DIP2C: variants seen among roughly 807,000 people sequenced by gnomAD.
DIP2C encodes the protein disco-interacting protein 2 homolog C.
A neutral mutation model predicts 192.4 loss-of-function variants in DIP2C; 33 were observed. The ratio of observed to expected loss-of-function variants is 0.17; its 90% confidence interval spans 0.13 to 0.23. The LOEUF (loss-of-function observed/expected upper bound fraction) is 0.23. Ranked by LOEUF, DIP2C falls within the 10% of genes least tolerant of loss-of-function variation. The probability of loss-of-function intolerance (pLI) is 1.00; values close to 1 mark genes in which losing one functional copy is unlikely to be tolerated. For missense variants in DIP2C, 1,537 were observed against 2,110.1 expected, an observed-to-expected ratio of 0.73 and a Z score of 5.32; for synonymous variants, 979 against 864.1, an observed-to-expected ratio of 1.13 and a Z score of -2.33.
intron 9 of DIP2C, among the ~76,000 whole-genome samples, chr10:400,234 G>GCTGGCCTCAAACTC (rs759105975): frequency 4.6e-5 from 7 of 152,108 alleles, no homozygotes; most frequent in Non-Finnish European, 1.0e-4. Flanking sequence ...TGTTGCCCAG[G>GCTGGCCTCAAACTC]CTGGCCTCAA....
chr10:647,365 G>A (rs1158739994), intron 1 of DIP2C, among the ~76,000 whole-genome samples: 2 of 152,110 alleles, frequency 1.3e-5, no homozygotes, highest in African/African-American at 4.8e-5. Flanking sequence ...GACGGCGGGA[G>A]AGAACAGAGG....
intron 1 of DIP2C, among the ~76,000 whole-genome samples, chr10:511,231 C>G (rs560524542): frequency 6.6e-4 from 100 of 152,276 alleles, no homozygotes; most frequent in African/African-American, 2.3e-3. Context: ...GCGTGGAGTT[C>G]CTGCAAACTC....
chr10:621,900 G>C (rs1242014309), intron 1 of DIP2C, among the ~76,000 whole-genome samples: 2 of 152,216 alleles, frequency 1.3e-5, no homozygotes, highest in Admixed American at 1.3e-4. Flanking sequence ...AGAATCTACT[G>C]TGAAGGTCTA....
intron 1 of DIP2C, among the ~76,000 whole-genome samples, chr10:563,981 G>C (rs1849339877): frequency 6.6e-6 from 1 of 152,222 alleles, no homozygotes; most frequent in East Asian, 1.9e-4. Flanking sequence ...TAAAGTCTGT[G>C]AATAATCTGA....
intron 1 of DIP2C, among the ~76,000 whole-genome samples, chr10:513,624 C>CTGAGAG (rs1846169770): frequency 6.6e-6 from 1 of 152,100 alleles, no homozygotes; most frequent in Admixed American, 6.5e-5. Context: ...CACACCTTAC[C>CTGAGAG]TGAAAGTCAC....
chr10:666,175 G>C lies in DIP2C; in HGVS notation c.85+23319C>G, dbSNP rs915300641. On this transcript the variant is annotated intron_variant, in intron 1 of 36. Transcript: ENST00000280886. This position sits in a 1 kb window ranked among gnomAD's most constrained non-coding sequence, Gnocchi z 4.1. ...GTGACATATGTAATTGTGAGTTTTT[G>C]TTTTCTCCGAACTGGCCTTATTATT... is the stretch of plus-strand genomic sequence containing the variant. 3 of 152,164 alleles carry C rather than the reference G, an allele frequency of 2.0e-5. No individual in the cohort carries two copies. Among genetic ancestry groups the C allele is most frequent in the Admixed American group, 6.5e-5 (1 of 15,282 alleles). 9.4% of individuals were successfully genotyped at this position (152,164 alleles called of 1,614,324 possible). A position where few individuals can be genotyped will look rare whatever the true frequency, so the allele number is the denominator to read the frequency against.
intron 3 of DIP2C, among the ~76,000 whole-genome samples, chr10:447,565 T>C (rs1258883411): frequency 7.7e-6 from 1 of 129,358 alleles, no homozygotes; most frequent in East Asian, 2.2e-4. Context: ...CAGGACCCAC[T>C]CACCCGTCGA....
rs772605236 is a variant in DIP2C, at chr10:357,816, C to G, written c.2904+12G>C. ...GGGGACGGTCGGGGAGACTCAGGGA[C>G]CCAGCTCCTACCTTGCGTGCCTGGT... On this transcript the variant is annotated intron_variant, in intron 23 of 36. Transcript: ENST00000280886. The G allele has an allele frequency of 1.9e-6, 3 of 1,606,360 alleles. No individual in the cohort carries two copies. Among genetic ancestry groups the G allele is most frequent in the Non-Finnish European group, 1.7e-6 (2 of 1,174,762 alleles).
In DIP2C at chr10:520,751, C is replaced by G. The variant is rs185773526; in HGVS notation, c.86-34221G>C. 3.3e-5 allele frequency among the ~76,000 whole-genome samples: 5 copies of G among 152,320 alleles called. No homozygotes were observed. The East Asian group carries it at 5.8e-4, about 18-fold the overall frequency. On this transcript the variant is annotated intron_variant, in intron 1 of 36. Transcript: ENST00000280886. ...ACTTTAGGGCAAATAAGTTGGAAAC[C>G]AAAAAATTCTAAGACCCCTTGGGCT...
At chr10:407,733 C>CG (rs1246034552) in intron 9 of DIP2C, among the ~76,000 whole-genome samples, 3 of 152,110 alleles carry the variant, frequency 2.0e-5, no homozygotes, top group African/African-American at 7.2e-5. Flanking sequence ...TTTGGAGAAA[C>CG]GTTTACTCAA....
At chr10:369,910 G>C in intron 17 of DIP2C, 3 of 1,333,496 alleles carry the variant, frequency 2.2e-6, no homozygotes, top group Non-Finnish European at 2.9e-6. Context: ...CCTCTATGCA[G>C]GCCCTGCACA....
intron 1 of DIP2C, among the ~76,000 whole-genome samples, chr10:611,981 G>C (rs905368761): frequency 1.5e-5 from 1 of 65,246 alleles, no homozygotes; most frequent in African/African-American, 2.7e-5. Context: ...TTTTTTTAAG[G>C]GATCTATTAT....
rs1402626582 is a variant in DIP2C at position 493,737 on chromosome 10, T to C, written c.86-7207A>G. Among the ~76,000 whole-genome samples the C allele has an allele frequency of 2.0e-5, 3 of 152,238 alleles. No individual in the cohort carries two copies. In the East Asian group the frequency reaches 5.8e-4, roughly 29 times the overall value. ...GACAGGAGAAAGGATGGAGGCCGAT[T>C]ATCCACCTACAAAGTCGGGGTCTTA... On this transcript the variant is annotated intron_variant, in intron 1 of 36. Coordinates refer to ENST00000280886, the MANE Select transcript of DIP2C (RefSeq NM_014974.3).
At chr10:456,271 A>G (rs1381480397) in intron 3 of DIP2C, among the ~76,000 whole-genome samples, 8 of 121,442 alleles carry the variant, frequency 6.6e-5, no homozygotes, top group Non-Finnish European at 5.1e-5. Flanking sequence ...AACACTCTGC[A>G]GTGAGTCCCT....
At chr10:544,087 A>G (rs1449830151) in intron 1 of DIP2C, among the ~76,000 whole-genome samples, 2 of 152,164 alleles carry the variant, frequency 1.3e-5, no homozygotes, top group Non-Finnish European at 2.9e-5. Context: ...GACCTTTAGC[A>G]TGACCTTTGG....
At position 598,687 on chromosome 10, in the gene DIP2C, C is replaced by A. The variant is rs139320080; in HGVS notation, c.85+90807G>T. Among the ~76,000 whole-genome samples, 43 of 152,234 alleles carry A rather than the reference C, an allele frequency of 2.8e-4. No homozygotes were observed. The East Asian group carries it at 7.7e-3, about 27-fold the overall frequency. On this transcript the variant is annotated intron_variant, in intron 1 of 36. Transcript: ENST00000280886. ...CAAAGCAATTAAAGGCATGAGAGCT[C>A]AAGAGAAAATCCACACCGTGGCTTG... is the stretch of plus-strand genomic sequence containing the variant.
chr10:439,133 A>T (rs1967512474), intron 4 of DIP2C, among the ~76,000 whole-genome samples: 1 of 152,224 alleles, frequency 6.6e-6, no homozygotes. Context: ...GGCATGAGCT[A>T]CCGTGCCTAG....
At chr10:294,690 G>T (rs1376693625) in intron 32 of DIP2C, among the ~76,000 whole-genome samples, 1 of 151,750 alleles carries the variant, frequency 6.6e-6, no homozygotes, top group Non-Finnish European at 1.5e-5. Flanking sequence ...CATTCATAAA[G>T]TTTCCATGAC....
intron 1 of DIP2C, among the ~76,000 whole-genome samples, chr10:645,476 T>C (rs1293096145): frequency 2.0e-5 from 3 of 152,206 alleles, no homozygotes; most frequent in African/African-American, 4.8e-5. Flanking sequence ...AGAAACATTT[T>C]ACTCATAAAA....
Sources: gnomAD v4.1 joint callset for allele counts (sites outside exome capture counted in the v4.1 genomes callset) on GRCh38, gnomAD v4.1.1 for gene constraint, Gnocchi (gnomAD v3.1) non-coding constraint, MANE v1.5 for transcripts, NCBI Gene and HGNC (gene_info 2026-07-23, HGNC 2026-07-21) for gene names.